Variants in AAK1 observed in about 807,000 individuals in gnomAD.
AAK1 encodes AP2-associated protein kinase 1.
Under a neutral mutation model 116.0 loss-of-function variants are expected in AAK1, and 37 were observed. The observed-to-expected ratio is 0.32, with a 90% CI of 0.25 to 0.42. AAK1 has a LOEUF of 0.42. Ranked by LOEUF, AAK1 falls within the 10% of genes least tolerant of loss-of-function variation. The probability of loss-of-function intolerance (pLI) is 1.00; values close to 1 mark genes in which losing one functional copy is unlikely to be tolerated. For synonymous variants in AAK1, 458 were observed against 439.9 expected, an observed-to-expected ratio of 1.04 and a Z score of -0.51; for missense variants, 919 against 1,170.6, an observed-to-expected ratio of 0.79 and a Z score of 3.14.
intron 14 of AAK1, among the ~76,000 whole-genome samples, chr2:69,508,894 G>C (rs1022091071): frequency 6.6e-6 from 1 of 152,174 alleles, no homozygotes; most frequent in South Asian, 2.1e-4. Flanking sequence ...ACTTTTCAGC[G>C]TGGAGAGACT....
Position 69,464,497 on chromosome 2 carries a change from T to C in AAK1, c.*11372A>G, listed in dbSNP as rs566111646. On this transcript the variant is annotated 3_prime_UTR_variant, in exon 22 of 22. Coordinates refer to ENST00000409085, the MANE Select transcript of AAK1 (RefSeq NM_014911.5). ...GGATTTCCCTACACCTTCCAACGTA[T>C]TCTACTTTGCCATGAGAAAAAAACT... 6.5e-6 allele frequency: 1 copy of C among 152,722 alleles called. No homozygotes were observed. Among genetic ancestry groups the C allele is most frequent in the Non-Finnish European group, 1.5e-5 (1 of 68,024 alleles). The allele number at this position is 152,722 out of a possible 1,614,324, so 9.5% of individuals were successfully genotyped here. A position where few individuals can be genotyped will look rare whatever the true frequency, so the allele number is the denominator to read the frequency against.
intron 14 of AAK1, 71 bp from the exon 15 acceptor site, chr2:69,507,649 T>C: frequency 7.5e-7 from 1 of 1,334,554 alleles, no homozygotes; most frequent in East Asian, 2.6e-5. Context: ...GTCAACTTAT[T>C]TTCTCTGTTT....
chr2:69,591,477 C>T (rs952151750), intron 2 of AAK1, among the ~76,000 whole-genome samples: 5 of 151,174 alleles, frequency 3.3e-5, no homozygotes, highest in East Asian at 1.9e-4. Context: ...CTAGAGCCAA[C>T]GGGGTTAAAG....
intron 16 of AAK1, among the ~76,000 whole-genome samples, chr2:69,496,503 A>C (rs1675751557): frequency 6.6e-6 from 1 of 152,264 alleles, no homozygotes; most frequent in East Asian, 1.9e-4. Context: ...ATCTCAGGTG[A>C]TCCACCCACC....
At chr2:69,610,000 G>A (rs558691039) in intron 2 of AAK1, among the ~76,000 whole-genome samples, 12 of 140,538 alleles carry the variant, frequency 8.5e-5, no homozygotes, top group Admixed American at 3.0e-4. Context: ...GCAGTGAGCC[G>A]AGATCACACC....
At chr2:69,490,588 T>TA (rs1378070673) in intron 17 of AAK1, among the ~76,000 whole-genome samples, 3 of 152,018 alleles carry the variant, frequency 2.0e-5, no homozygotes, top group African/African-American at 7.2e-5. Context: ...TGATTCCACT[T>TA]ACATTCGGTT....
chr2:69,589,932 G>GC (rs777531184), intron 2 of AAK1, among the ~76,000 whole-genome samples: 2 of 151,854 alleles, frequency 1.3e-5, no homozygotes, highest in Non-Finnish European at 2.9e-5. Flanking sequence ...AGAAAGCCAA[G>GC]CAAGATAATA....
chr2:69,623,758 C>T (rs1462687938), intron 2 of AAK1, among the ~76,000 whole-genome samples: 1 of 151,900 alleles, frequency 6.6e-6, no homozygotes, highest in Non-Finnish European at 1.5e-5. Flanking sequence ...CTTCTCAGGC[C>T]TTTCCAAGGA....
intron 5 of AAK1, among the ~76,000 whole-genome samples, chr2:69,539,175 G>C (rs6737001): frequency 1.3e-5 from 2 of 151,666 alleles, no homozygotes; most frequent in Non-Finnish European, 2.9e-5. Flanking sequence ...TGGAAAGGAG[G>C]AGCTGGGGAG....
Position 69,458,688 on chromosome 2 carries a change from A to C in AAK1, c.*17181T>G, listed in dbSNP as rs1202240876. ...AGAGCTTGAATTAACACCATGGAAG[A>C]AAGCATGAAGATGAATGAGCACACA... On this transcript the variant is annotated 3_prime_UTR_variant, in exon 22 of 22. Coordinates refer to ENST00000409085, the MANE Select transcript of AAK1 (RefSeq NM_014911.5). 2.0e-5 allele frequency: 3 copies of C among 152,182 alleles called. No homozygotes were observed. The highest frequency in any genetic ancestry group is 1.5e-5 in the Non-Finnish European group (1 of 67,982). 9.4% of individuals were successfully genotyped at this position (152,182 alleles called of 1,614,324 possible).
At chr2:69,540,579 T>C (rs1011991800) in intron 5 of AAK1, among the ~76,000 whole-genome samples, 1 of 152,226 alleles carries the variant, frequency 6.6e-6, no homozygotes, top group African/African-American at 2.4e-5. Context: ...CCCACTAGGA[T>C]GGCTAAAACA....
At chr2:69,637,029 G>A (rs1417544981) in intron 2 of AAK1, among the ~76,000 whole-genome samples, 1 of 152,182 alleles carries the variant, frequency 6.6e-6, no homozygotes, top group East Asian at 1.9e-4. Flanking sequence ...AGCCATATGT[G>A]GCTAGTGGGC....
chr2:69,562,122 G>A (rs569675291), intron 2 of AAK1, among the ~76,000 whole-genome samples: 127 of 152,282 alleles, frequency 8.3e-4, no homozygotes, highest in African/African-American at 3.0e-3. Flanking sequence ...TATGCCAAGT[G>A]ACTATTTCCC....
At chr2:69,630,186 T>C (rs554964620) in intron 2 of AAK1, among the ~76,000 whole-genome samples, 2 of 152,180 alleles carry the variant, frequency 1.3e-5, no homozygotes, top group South Asian at 4.1e-4. Flanking sequence ...ATCATACTTA[T>C]AAAAACTTGA....
intron 2 of AAK1, among the ~76,000 whole-genome samples, chr2:69,576,602 T>A (rs1167969678): frequency 1.3e-5 from 2 of 152,204 alleles, no homozygotes; most frequent in East Asian, 3.8e-4. Flanking sequence ...AGTATTTGAT[T>A]TTCTGTTCCT....
intron 2 of AAK1, among the ~76,000 whole-genome samples, chr2:69,559,665 G>A (rs1572956913): frequency 6.6e-6 from 1 of 152,344 alleles, no homozygotes; most frequent in Middle Eastern, 3.4e-3. Context: ...AACCAAGAGA[G>A]GCTTAGGAGT....
At chr2:69,603,729 T>C (rs532458778) in intron 2 of AAK1, among the ~76,000 whole-genome samples, 11 of 149,990 alleles carry the variant, frequency 7.3e-5, no homozygotes, top group African/African-American at 2.8e-4. Flanking sequence ...GGAGATACTG[T>C]GCAGAATTAA....
chr2:69,553,437 G>GTTTTTTTTTTTTTT (rs70954350), intron 3 of AAK1, among the ~76,000 whole-genome samples: 2 of 79,598 alleles, frequency 2.5e-5, no homozygotes, highest in African/African-American at 1.1e-4. Flanking sequence ...ATTGAAAGTT[G>GTTTTTTTTTTTTTT]TTTTTTTTTT....
chr2:69,531,987 T>TA, intron 6 of AAK1, 54 bp downstream of exon 6: 1 of 1,604,150 alleles, frequency 6.2e-7, no homozygotes, highest in African/African-American at 1.3e-5. Flanking sequence ...AAGCTGAAGG[T>TA]AAAGTTGCTC....
Sources: gnomAD v4.1 joint callset for allele counts (sites outside exome capture counted in the v4.1 genomes callset) on GRCh38, gnomAD v4.1.1 for gene constraint, MANE v1.5 for transcripts, NCBI Gene and HGNC (gene_info 2026-07-23, HGNC 2026-07-21) for gene names.